The following LIPK variants were observed in gnomAD, a reference collection of about 807,000 sequenced individuals.
LIPK encodes lipase family member K.
Under a neutral mutation model 48.6 loss-of-function variants are expected in LIPK, and 32 were observed. The observed-to-expected ratio is 0.66, with a 90% CI of 0.50 to 0.88. LIPK has a LOEUF of 0.88. Among genes scored for constraint, LIPK ranks in the 40% least tolerant of loss-of-function variants. LIPK has a pLI of 0.00. For missense variants in LIPK, 507 were observed against 478.5 expected (o/e 1.06, Z -0.56); for synonymous variants, 164 against 157.4 (o/e 1.04, Z -0.32).
chr10:88,743,066 C>T (rs1842708081), intron 8 of LIPK, among the ~76,000 whole-genome samples, 184 bp from the exon 9 acceptor site: 1 of 152,068 alleles, frequency 6.6e-6, no homozygotes, highest in Admixed American at 6.5e-5. Flanking sequence ...AAGATTGTAC[C>T]AATTCTGTGA....
chr10:88,737,881 T>C, intron 7 of LIPK, 100 bp downstream of exon 7: 2 of 1,316,076 alleles, frequency 1.5e-6, no homozygotes, highest in Non-Finnish European at 2.1e-6. Context: ...CAAGGTTTCC[T>C]TTTTGCATTT....
chr10:88,752,315 G>A (rs949983343), intron 9 of LIPK, among the ~76,000 whole-genome samples: 2 of 151,992 alleles, frequency 1.3e-5, no homozygotes, highest in Admixed American at 6.6e-5. Context: ...TAATTGAATT[G>A]TTTTTTTCGA....
chr10:88,750,067 A>G (rs939488438), intron 9 of LIPK, among the ~76,000 whole-genome samples: 1 of 152,218 alleles, frequency 6.6e-6, no homozygotes, highest in African/African-American at 2.4e-5. Flanking sequence ...GGTCAATATC[A>G]ATAATCATTA....
intron 3 of LIPK, chr10:88,728,231 A>G (rs1036179571): frequency 4.7e-5 from 9 of 193,292 alleles, no homozygotes; most frequent in Admixed American, 1.7e-4. Context: ...CTCTGGTCCT[A>G]TCCTTGGACA....
intron 1 of LIPK, among the ~76,000 whole-genome samples, chr10:88,710,668 G>A (rs937286298): frequency 9.2e-5 from 14 of 152,074 alleles, no homozygotes; most frequent in Non-Finnish European, 1.9e-4. Context: ...TGAATGTGTC[G>A]ATGAGTAGTA....
At position 88,737,685 on chromosome 10, in the gene LIPK, C is replaced by T; in HGVS notation, c.720C>T (p.Phe240=). Residue 240 remains phenylalanine, a synonymous_variant, in exon 7 of 10, where the codon TTC becomes TTT. Coordinates refer to ENST00000404190, the MANE Select transcript of LIPK (RefSeq NM_001080518.2). ...MFHPHTLFDQ[F]IATKVCNRKL... ...ACCCTCATACATTGTTTGACCAATTCATTGCCACCAAAGTGTGCAATCGAA... is the reference window on the plus strand; with the variant it reads ...ACCCTCATACATTGTTTGACCAATTTATTGCCACCAAAGTGTGCAATCGAA... The T allele has an allele frequency of 6.2e-7, 1 of 1,613,802 alleles. No homozygotes were observed. Among genetic ancestry groups the T allele is most frequent in the Non-Finnish European group, 8.5e-7 (1 of 1,179,692 alleles).
intron 1 of LIPK, among the ~76,000 whole-genome samples, chr10:88,706,684 G>A (rs1448407506): frequency 1.3e-5 from 2 of 152,130 alleles, no homozygotes; most frequent in Non-Finnish European, 2.9e-5. Context: ...TTTGGATAAT[G>A]TTCTCAAAAC....
intron 9 of LIPK, among the ~76,000 whole-genome samples, chr10:88,746,408 A>C (rs895636442): frequency 6.6e-6 from 1 of 151,128 alleles, no homozygotes; most frequent in Non-Finnish European, 1.5e-5. Flanking sequence ...TTAAAAAAAA[A>C]CTGAAATTAT....
At position 88,748,386 on chromosome 10, in the gene LIPK, G is replaced by A. The variant is rs1320641823; in HGVS notation, c.961-4131G>A. Among the ~76,000 whole-genome samples the A allele has an allele frequency of 2.0e-5, 3 of 152,192 alleles. No homozygotes were observed. The East Asian group carries it at 5.8e-4, about 29-fold the overall frequency. ...ATTGTGCACATGTATCCTGTCTGAG[G>A]CGGGCAGATCACTTGAGGTCAGGGG... On this transcript the variant is annotated intron_variant, in intron 9 of 9. Coordinates refer to ENST00000404190, the MANE Select transcript of LIPK (RefSeq NM_001080518.2).
chr10:88,713,660 G>C (rs538954101), intron 1 of LIPK, among the ~76,000 whole-genome samples: 2 of 152,196 alleles, frequency 1.3e-5, no homozygotes, highest in Admixed American at 1.3e-4. Flanking sequence ...ATAAATTTAG[G>C]CTGGGCGTGG....
intron 1 of LIPK, among the ~76,000 whole-genome samples, chr10:88,715,333 G>C (rs967717408): frequency 6.6e-6 from 1 of 151,896 alleles, no homozygotes; most frequent in Non-Finnish European, 1.5e-5. Flanking sequence ...ACATATTTAG[G>C]GTTGTTTTAT....
chr10:88,745,502 C>T (rs1416298031), intron 9 of LIPK, among the ~76,000 whole-genome samples: 2 of 152,108 alleles, frequency 1.3e-5, no homozygotes, highest in African/African-American at 4.8e-5. Context: ...AAAAGAAATT[C>T]TAACCAAGAA....
intron 1 of LIPK, among the ~76,000 whole-genome samples, 92 bp downstream of exon 1, chr10:88,706,412 T>C (rs150113267): frequency 6.6e-6 from 1 of 152,320 alleles, no homozygotes; most frequent in East Asian, 1.9e-4. Context: ...TACATGTTGA[T>C]GATGAATATT....
At chr10:88,751,844 G>A (rs1296820680) in intron 9 of LIPK, among the ~76,000 whole-genome samples, 1 of 152,098 alleles carries the variant, frequency 6.6e-6, no homozygotes, top group African/African-American at 2.4e-5. Flanking sequence ...GTTCTAGAGG[G>A]ACCTCTGGCC....
rs1294397781 is a variant in LIPK at position 88,747,488 on chromosome 10, A to G, written c.960+4167A>G. 5.3e-5 allele frequency among the ~76,000 whole-genome samples: 8 copies of G among 152,344 alleles called. No individual in the cohort carries two copies. The East Asian group carries it at 1.5e-3, about 29-fold the overall frequency. On this transcript the variant is annotated intron_variant, in intron 9 of 9. Coordinates refer to ENST00000404190, the MANE Select transcript of LIPK (RefSeq NM_001080518.2). Reference sequence around the variant, plus strand: ...ATATGCAAATCAATATGTTTCAGGCATCACATAAACAGAACTAAAAACAAA... The same window carrying G: ...ATATGCAAATCAATATGTTTCAGGCGTCACATAAACAGAACTAAAAACAAA...
intron 9 of LIPK, among the ~76,000 whole-genome samples, chr10:88,745,223 T>C (rs1842746604): frequency 6.6e-6 from 1 of 152,200 alleles, no homozygotes; most frequent in Non-Finnish European, 1.5e-5. Flanking sequence ...ATATTGTCTA[T>C]GAAAATTTCC....
intron 4 of LIPK, 98 bp from the exon 5 acceptor site, chr10:88,732,080 C>G: frequency 1.3e-6 from 1 of 766,242 alleles, no homozygotes; most frequent in African/African-American, 1.7e-5. Flanking sequence ...TTATATTTAA[C>G]AAAATCAAAG....
At chr10:88,727,841 T>G (rs531913450) in intron 3 of LIPK, 1 of 362,858 alleles carries the variant, frequency 2.8e-6, no homozygotes, top group South Asian at 2.6e-5. Flanking sequence ...GTTTGCCTCC[T>G]TCATTGACAA....
At chr10:88,718,409 C>G (rs958897893) in intron 1 of LIPK, among the ~76,000 whole-genome samples, 5 of 150,466 alleles carry the variant, frequency 3.3e-5, no homozygotes, top group African/African-American at 1.2e-4. Flanking sequence ...TTTGTCATGT[C>G]TTCCTTGGGC....
Sources: allele counts gnomAD v4.1 joint callset (sites outside exome capture counted in the v4.1 genomes callset), GRCh38; gene constraint gnomAD v4.1.1; transcripts MANE v1.5; gene names NCBI Gene and HGNC (gene_info 2026-07-23, HGNC 2026-07-21).